SAXO1: variants seen among roughly 807,000 people sequenced by gnomAD.
The protein encoded by SAXO1 is 4930500O09Rik.
SAXO1 carries 21 observed loss-of-function variants against 17.5 expected under a neutral mutation model. The observed-to-expected ratio is 1.20, with a 90% CI of 0.85 to 1.72. The LOEUF (loss-of-function observed/expected upper bound fraction) is 1.72. Among genes scored for constraint, SAXO1 ranks in the 40% most tolerant of loss-of-function variants. The pLI is 0.00. For synonymous variants in SAXO1, 274 were observed against 216.5 expected (o/e 1.27, Z -2.33); for missense variants, 843 against 596.0 (o/e 1.41, Z -4.32).
At chr9:18,949,483 T>G (rs1299695921) in intron 2 of SAXO1, among the ~76,000 whole-genome samples, 1 of 152,076 alleles carries the variant, frequency 6.6e-6, no homozygotes, top group East Asian at 1.9e-4. Flanking sequence ...TTAAGTGGCC[T>G]GATTCAAGTC....
intron 1 of SAXO1, among the ~76,000 whole-genome samples, chr9:19,004,825 C>A (rs962262273): frequency 2.6e-5 from 4 of 152,002 alleles, no homozygotes; most frequent in African/African-American, 7.3e-5. Context: ...ATGTAGCAAA[C>A]CTGCACATTG....
At chr9:19,013,913 T>C (rs1383713442) in intron 1 of SAXO1, among the ~76,000 whole-genome samples, 3 of 152,164 alleles carry the variant, frequency 2.0e-5, no homozygotes, top group Non-Finnish European at 2.9e-5. Context: ...AAAAAATATT[T>C]AGCAGGCACC....
At chr9:19,013,398 C>T (rs993542281) in intron 1 of SAXO1, among the ~76,000 whole-genome samples, 1 of 152,158 alleles carries the variant, frequency 6.6e-6, no homozygotes, top group African/African-American at 2.4e-5. Context: ...GAAAGTTTCA[C>T]AGTATTTCCC....
intron 1 of SAXO1, among the ~76,000 whole-genome samples, chr9:19,047,319 G>A (rs1207236184): frequency 6.6e-6 from 1 of 152,090 alleles, no homozygotes; most frequent in Admixed American, 6.6e-5. Context: ...AGCCAAGATC[G>A]TGCAACTACA....
intron 1 of SAXO1, among the ~76,000 whole-genome samples, chr9:18,964,630 T>C (rs914875427): frequency 1.3e-5 from 2 of 152,240 alleles, no homozygotes; most frequent in Admixed American, 1.3e-4. Context: ...TTTGACTGTG[T>C]CTATTTGATT....
intron 1 of SAXO1, among the ~76,000 whole-genome samples, chr9:19,022,222 T>G (rs906504960): frequency 1.3e-5 from 2 of 152,166 alleles, no homozygotes; most frequent in African/African-American, 4.8e-5. Flanking sequence ...CTCCACTCCT[T>G]AAGTCAGAGA....
chr9:18,930,169 T>A (rs780513528), intron 3 of SAXO1, among the ~76,000 whole-genome samples: 1 of 152,042 alleles, frequency 6.6e-6, no homozygotes, highest in Non-Finnish European at 1.5e-5. Context: ...AAGAAAAAAA[T>A]AATCAGAGGG....
At chr9:18,981,562 A>C (rs911913337) in intron 1 of SAXO1, among the ~76,000 whole-genome samples, 2 of 152,104 alleles carry the variant, frequency 1.3e-5, no homozygotes, top group Admixed American at 1.3e-4. Context: ...TGGCCACTTC[A>C]CTAAGCCAGC....
In SAXO1 at chr9:18,928,482, C is replaced by A. The variant is rs757779303; in HGVS notation, c.995G>T (p.Gly332Val). 4.3e-6 allele frequency: 7 copies of A among 1,613,218 alleles called. No individual in the cohort carries two copies. Among genetic ancestry groups the A allele is most frequent in the Non-Finnish European group, 5.9e-6 (7 of 1,179,674 alleles). Reference sequence around the variant, plus strand: ...GGTGGTGGAAGAGCCTTCAAAGCGACCGCACTTCTTAATCTGAAGTGCAGG... The same window carrying A: ...GGTGGTGGAAGAGCCTTCAAAGCGAACGCACTTCTTAATCTGAAGTGCAGG... The part of the protein sequence containing the change: ...CRPALQIKKC[G>V]RFEGSSTTKD... Residue 332 changes from glycine to valine, a missense_variant, in exon 4 of 4, where the codon GGT becomes GTT. By Grantham distance (109) the Gly-to-Val change is moderately radical (BLOSUM62 -3). Coordinates refer to ENST00000380534, the MANE Select transcript of SAXO1 (RefSeq NM_153707.4).
intron 1 of SAXO1, among the ~76,000 whole-genome samples, chr9:18,984,741 A>G (rs888079894): frequency 7.9e-5 from 12 of 152,154 alleles, no homozygotes; most frequent in African/African-American, 2.9e-4. Flanking sequence ...AACTTTCCCC[A>G]TATCAGCAAT....
intron 2 of SAXO1, among the ~76,000 whole-genome samples, chr9:18,943,525 G>A (rs940887945): frequency 2.0e-5 from 3 of 152,184 alleles, no homozygotes; most frequent in African/African-American, 7.2e-5. Context: ...AAATGAAAAT[G>A]CCCAGAAAAC....
At chr9:19,003,554 A>C (rs529904368) in intron 1 of SAXO1, among the ~76,000 whole-genome samples, 35 of 152,298 alleles carry the variant, frequency 2.3e-4, no homozygotes, top group Middle Eastern at 3.4e-3. Flanking sequence ...ACATATAGAC[A>C]AATGGAATAG....
intron 1 of SAXO1, among the ~76,000 whole-genome samples, chr9:19,017,870 T>C (rs10963906): frequency 0.096 from 14,623 of 152,146 alleles, 910 homozygotes; most frequent in Non-Finnish European, 0.14. Context: ...ACTACTGGCA[T>C]AGAAAACATG....
chr9:18,946,579 G>T (rs892420187), intron 2 of SAXO1, among the ~76,000 whole-genome samples: 1 of 151,780 alleles, frequency 6.6e-6, no homozygotes, highest in South Asian at 2.1e-4. Context: ...AACATCTAAG[G>T]TGTCCACAAT....
chr9:18,986,404 A>G (rs1387662680), intron 1 of SAXO1, among the ~76,000 whole-genome samples: 1 of 152,332 alleles, frequency 6.6e-6, no homozygotes, highest in Non-Finnish European at 1.5e-5. Context: ...AAACTATTTT[A>G]ACAGGATAAC....
chr9:18,929,848 C>T (rs752586159), intron 3 of SAXO1, among the ~76,000 whole-genome samples: 4 of 152,204 alleles, frequency 2.6e-5, no homozygotes, highest in African/African-American at 4.8e-5. Context: ...CCAGAGCCCA[C>T]GATCTGACCC....
chr9:19,045,749 C>G (rs184337348), intron 1 of SAXO1, among the ~76,000 whole-genome samples: 1 of 152,314 alleles, frequency 6.6e-6, no homozygotes, highest in African/African-American at 2.4e-5. Flanking sequence ...ATGCTACCCA[C>G]GGGTTTTTAA....
chr9:18,965,609 C>T (rs1313915069), intron 1 of SAXO1, among the ~76,000 whole-genome samples: 2 of 151,840 alleles, frequency 1.3e-5, no homozygotes, highest in Non-Finnish European at 2.9e-5. Context: ...GTATATCTTC[C>T]TCCGTCCCTT....
intron 1 of SAXO1, among the ~76,000 whole-genome samples, chr9:18,956,159 C>T (rs1323071555): frequency 6.8e-6 from 1 of 147,870 alleles, no homozygotes; most frequent in East Asian, 2.0e-4. Context: ...CCATGTTGCC[C>T]AGGCTGGTCT....
Sources: gnomAD v4.1 joint callset for allele counts (sites outside exome capture counted in the v4.1 genomes callset) on GRCh38, gnomAD v4.1.1 for gene constraint, MANE v1.5 for transcripts, NCBI Gene and HGNC (gene_info 2026-07-23, HGNC 2026-07-21) for gene names.